FIP1L1: variants seen among roughly 807,000 people sequenced by gnomAD.
FIP1L1 encodes the protein factor interacting with PAPOLA and CPSF1.
In FIP1L1, 21 loss-of-function variants were observed where a neutral mutation model predicts 84.6. That is an observed-to-expected ratio of 0.25 (90% CI 0.18 to 0.36). The LOEUF is 0.36. Among genes scored for constraint, FIP1L1 ranks in the 10% least tolerant of loss-of-function variants. The pLI, the probability that FIP1L1 is intolerant of heterozygous loss-of-function variation, is 1.00. For synonymous variants in FIP1L1, 263 were observed against 242.3 expected (o/e 1.09, Z -0.80); for missense variants, 526 against 751.1 (o/e 0.70, Z 3.50).
At chr4:53,443,694 G>T (rs540921815) in intron 14 of FIP1L1, among the ~76,000 whole-genome samples, 1 of 152,164 alleles carries the variant, frequency 6.6e-6, no homozygotes, top group African/African-American at 2.4e-5. Context: ...CAGTGGGGCT[G>T]AATTACTGAT....
chr4:53,453,276 G>A (rs1717105356), intron 16 of FIP1L1, 143 bp downstream of exon 16: 2 of 873,114 alleles, frequency 2.3e-6, no homozygotes, highest in Admixed American at 5.1e-5. Context: ...AATGATAAAG[G>A]ATTAGAGGCT....
At chr4:53,386,416 G>A (rs1367401750) in intron 5 of FIP1L1, among the ~76,000 whole-genome samples, 1 of 152,152 alleles carries the variant, frequency 6.6e-6, no homozygotes, top group Non-Finnish European at 1.5e-5. Flanking sequence ...ATTAATTGAT[G>A]AGAATACAGG....
chr4:53,460,441 A>G lies in FIP1L1; in HGVS notation c.*992A>G, dbSNP rs1409686238. ...AAAGTAATCTTAATTAGTATCACAT[A>G]CTAAAAGACAACTATAACTTCTGAA... On this transcript the variant is annotated 3_prime_UTR_variant, in exon 18 of 18. Coordinates refer to ENST00000337488, the MANE Select transcript of FIP1L1 (RefSeq NM_030917.4). 5.2e-6 allele frequency: 1 copy of G among 191,298 alleles called. No individual in the cohort carries two copies. Among genetic ancestry groups the G allele is most frequent in the Non-Finnish European group, 1.1e-5 (1 of 91,762 alleles). The allele number at this position is 191,298 out of a possible 1,614,324, so 11.9% of individuals were successfully genotyped here.
chr4:53,387,409 G>T (rs907389997), intron 5 of FIP1L1, among the ~76,000 whole-genome samples: 1 of 152,198 alleles, frequency 6.6e-6, no homozygotes, highest in African/African-American at 2.4e-5. Context: ...GTACAGGTGG[G>T]TGCTACTGCT....
rs531488760 is a variant in FIP1L1, at chr4:53,381,753, C to CTT, written c.171-502_171-501dup. 9.8e-3 allele frequency among the ~76,000 whole-genome samples: 863 copies of CTT among 87,834 alleles called. 141 individuals are homozygous for CTT. Among genetic ancestry groups the CTT allele is most frequent in the African/African-American group, 0.031 (557 of 17,964 alleles). 57.6% of individuals were successfully genotyped at this position (87,834 alleles called of 152,430 possible). A position where few individuals can be genotyped will look rare whatever the true frequency, so the allele number is the denominator to read the frequency against. ...AATAAACTGTGAAGGCATTTGCATT[C>CTT]TTTTTTTTTTTTTTTTTTTTTTTTG... On this transcript the variant is annotated intron_variant, in intron 3 of 17. Coordinates refer to ENST00000337488, the MANE Select transcript of FIP1L1 (RefSeq NM_030917.4).
At chr4:53,414,565 G>C in intron 10 of FIP1L1, 50 bp from the exon 11 acceptor site, 1 of 1,284,360 alleles carries the variant, frequency 7.8e-7, no homozygotes, top group Non-Finnish European at 1.1e-6. Context: ...AACAAGGGGG[G>C]TCAGAGACAA....
chr4:53,393,638 G>C (rs1266259019), intron 9 of FIP1L1, among the ~76,000 whole-genome samples: 1 of 152,062 alleles, frequency 6.6e-6, no homozygotes, highest in East Asian at 1.9e-4. Flanking sequence ...TTTAATTAGA[G>C]TGAATGGCAA....
chr4:53,390,782 T>C (rs528844036), intron 7 of FIP1L1, among the ~76,000 whole-genome samples, 154 bp downstream of exon 7: 17 of 152,342 alleles, frequency 1.1e-4, no homozygotes, highest in African/African-American at 3.4e-4. Context: ...TTATTAAATC[T>C]TACTGGTGGC....
rs1196519000 is a variant in FIP1L1 at position 53,459,487 on chromosome 4, G to A, written c.*38G>A. 6.2e-7 allele frequency: 1 copy of A among 1,612,370 alleles called. No homozygotes were observed. Among genetic ancestry groups the A allele is most frequent in the South Asian group, 1.1e-5 (1 of 90,942 alleles). ...CCTTTTGTGTATATTAGTACCAGAAGTAGATACTATAAATCTTGTTATTTT... is the reference window on the plus strand; with the variant it reads ...CCTTTTGTGTATATTAGTACCAGAAATAGATACTATAAATCTTGTTATTTT... On this transcript the variant is annotated 3_prime_UTR_variant, in exon 18 of 18. Coordinates refer to ENST00000337488, the MANE Select transcript of FIP1L1 (RefSeq NM_030917.4).
At chr4:53,384,121 G>A (rs9312640) in intron 5 of FIP1L1, among the ~76,000 whole-genome samples, 19,771 of 152,146 alleles carry the variant, frequency 0.13, 2,567 homozygotes, top group African/African-American at 0.32. Context: ...AAAGAATTGA[G>A]TGCTAGGCCA....
intron 11 of FIP1L1, among the ~76,000 whole-genome samples, chr4:53,423,667 G>C (rs952655566): frequency 8.5e-5 from 13 of 152,090 alleles, no homozygotes; most frequent in Admixed American, 3.9e-4. Context: ...CAGTTTATGT[G>C]GTTAAAAAAT....
chr4:53,458,209 TATA>T (rs1251414266), intron 16 of FIP1L1, among the ~76,000 whole-genome samples: 2 of 152,174 alleles, frequency 1.3e-5, no homozygotes, highest in Non-Finnish European at 1.5e-5. Context: ...CGTGTATTTT[TATA>T]ATGTTAAACG....
intron 15 of FIP1L1, among the ~76,000 whole-genome samples, chr4:53,445,655 G>T (rs1437563713): frequency 3.3e-5 from 5 of 152,138 alleles, no homozygotes; most frequent in African/African-American, 1.2e-4. Flanking sequence ...GCTAGTTGGT[G>T]AACATTCTCA....
intron 13 of FIP1L1, 63 bp from the exon 14 acceptor site, chr4:53,442,589 TG>T: frequency 8.9e-7 from 1 of 1,123,104 alleles, no homozygotes; most frequent in Non-Finnish European, 1.4e-6. Flanking sequence ...GCAGCAACTT[TG>T]TTTCACTCTT....
intron 4 of FIP1L1, among the ~76,000 whole-genome samples, chr4:53,382,707 A>C (rs1313581695): frequency 6.6e-6 from 1 of 152,230 alleles, no homozygotes; most frequent in Non-Finnish European, 1.5e-5. Context: ...ACAGTCCCTG[A>C]CTGCATGCCT....
At chr4:53,444,760 T>C (rs1773481783) in intron 15 of FIP1L1, among the ~76,000 whole-genome samples, 1 of 151,976 alleles carries the variant, frequency 6.6e-6, no homozygotes, top group African/African-American at 2.4e-5. Flanking sequence ...TTTGTAGAGA[T>C]AGGGTCTCAT....
intron 16 of FIP1L1, among the ~76,000 whole-genome samples, chr4:53,454,541 A>G (rs1321738595): frequency 6.6e-6 from 1 of 152,218 alleles, no homozygotes; most frequent in Non-Finnish European, 1.5e-5. Context: ...TATTGTTAGG[A>G]AAAAACAGAG....
chr4:53,413,815 T>C (rs1386619259), intron 10 of FIP1L1, among the ~76,000 whole-genome samples: 1 of 152,142 alleles, frequency 6.6e-6, no homozygotes, highest in Non-Finnish European at 1.5e-5. Context: ...ATTTTTTGCA[T>C]ATGTAAAACA....
intron 10 of FIP1L1, among the ~76,000 whole-genome samples, chr4:53,414,245 A>G (rs908938807): frequency 6.6e-6 from 1 of 152,090 alleles, no homozygotes; most frequent in Non-Finnish European, 1.5e-5. Context: ...AGAAATACCA[A>G]AATTTTTAGT....
Sources: gnomAD v4.1 joint callset for allele counts (sites outside exome capture counted in the v4.1 genomes callset) on GRCh38, gnomAD v4.1.1 for gene constraint, MANE v1.5 for transcripts, NCBI Gene and HGNC (gene_info 2026-07-23, HGNC 2026-07-21) for gene names.